GRIK2: variants seen among roughly 807,000 people sequenced by gnomAD.
GRIK2 encodes glutamate ionotropic receptor kainate type subunit 2, also known as glutamate receptor ionotropic, kainate 2.
GRIK2 carries 32 observed loss-of-function variants against 100.3 expected under a neutral mutation model. That is an observed-to-expected ratio of 0.32 (90% CI 0.24 to 0.43). The LOEUF (loss-of-function observed/expected upper bound fraction) is 0.43. Among genes scored for constraint, GRIK2 ranks in the 20% least tolerant of loss-of-function variants. The pLI, the probability that GRIK2 is intolerant of heterozygous loss-of-function variation, is 1.00. For synonymous variants in GRIK2, 417 were observed against 389.4 expected (o/e 1.07, Z -0.83); for missense variants, 843 against 1,114.9 (o/e 0.76, Z 3.47).
At chr6:101,496,489 G>A (rs1773453967) in intron 2 of GRIK2, among the ~76,000 whole-genome samples, 1 of 152,170 alleles carries the variant, frequency 6.6e-6, no homozygotes, top group Non-Finnish European at 1.5e-5. Flanking sequence ...TGAACTGTCA[G>A]TGGGTGTCAG....
chr6:101,798,339 C>G (rs1398986624), intron 7 of GRIK2, among the ~76,000 whole-genome samples: 2 of 151,908 alleles, frequency 1.3e-5, no homozygotes, highest in African/African-American at 4.8e-5. Flanking sequence ...TCAGTCAAAT[C>G]CTCAGGCTCA....
intron 14 of GRIK2, among the ~76,000 whole-genome samples, chr6:101,940,873 T>A (rs1400413480): frequency 6.6e-6 from 1 of 152,184 alleles, no homozygotes; most frequent in African/African-American, 2.4e-5. Context: ...AATTATTTAA[T>A]TTTTATTAAA....
intron 11 of GRIK2, among the ~76,000 whole-genome samples, chr6:101,863,818 A>C (rs1474181414): frequency 1.3e-5 from 2 of 152,184 alleles, no homozygotes; most frequent in African/African-American, 2.4e-5. Context: ...ATACAATGGG[A>C]ATAATGATAC....
intron 2 of GRIK2, among the ~76,000 whole-genome samples, chr6:101,516,732 A>G (rs1358331643): frequency 6.6e-6 from 1 of 152,146 alleles, no homozygotes; most frequent in Admixed American, 6.6e-5. Context: ...ATAATAAAAT[A>G]TAGACTTTCA....
chr6:101,686,667 C>T (rs1185399356), intron 7 of GRIK2, among the ~76,000 whole-genome samples: 1 of 152,086 alleles, frequency 6.6e-6, no homozygotes, highest in Non-Finnish European at 1.5e-5. Flanking sequence ...AGACATACAT[C>T]TGGTAGTTAT....
At chr6:101,912,977 C>T (rs966854644) in intron 12 of GRIK2, among the ~76,000 whole-genome samples, 2 of 151,192 alleles carry the variant, frequency 1.3e-5, no homozygotes, top group African/African-American at 2.4e-5. Flanking sequence ...ATATGTTACT[C>T]GATAAAACAC....
At chr6:101,513,965 T>A (rs1774450837) in intron 2 of GRIK2, among the ~76,000 whole-genome samples, 1 of 151,972 alleles carries the variant, frequency 6.6e-6, no homozygotes, top group Admixed American at 6.6e-5. Flanking sequence ...AATCAAAAAA[T>A]TTGTTCTTTG....
intron 14 of GRIK2, among the ~76,000 whole-genome samples, chr6:102,032,860 A>G (rs979107173): frequency 6.6e-6 from 1 of 151,316 alleles, no homozygotes; most frequent in African/African-American, 2.4e-5. Context: ...GGCTCACTGC[A>G]AACTCTAGGT....
chr6:101,480,715 G>C (rs903157810), intron 2 of GRIK2, among the ~76,000 whole-genome samples: 2 of 152,000 alleles, frequency 1.3e-5, no homozygotes, highest in Non-Finnish European at 2.9e-5. Context: ...GATTGTACTA[G>C]ATGCTAAAAA....
chr6:102,060,920 TTCTTC>T (rs1771718887), intron 16 of GRIK2, among the ~76,000 whole-genome samples: 1 of 150,570 alleles, frequency 6.6e-6, no homozygotes, highest in Non-Finnish European at 1.5e-5. Context: ...TTTTAACTTG[TTCTTC>T]ACAAGTTAAA....
rs563621142 is a variant in GRIK2 at position 101,547,118 on chromosome 6, A to G, written c.116-74831A>G. 3.4e-3 allele frequency among the ~76,000 whole-genome samples: 515 copies of G among 151,908 alleles called. 3 individuals are homozygous for G. Among genetic ancestry groups the G allele is most frequent in the Non-Finnish European group, 6.1e-3 (415 of 67,934 alleles). The stretch of plus-strand genomic sequence containing the variant: ...AGTGCTGGGATTACAGGCGTGAGCC[A>G]CCGCGCCCGGCCGTTTTTGTTTCTT... On this transcript the variant is annotated intron_variant, in intron 2 of 16. Transcript: ENST00000369134.
intron 14 of GRIK2, among the ~76,000 whole-genome samples, chr6:101,999,057 G>A (rs980096221): frequency 6.6e-6 from 1 of 151,558 alleles, no homozygotes; most frequent in Non-Finnish European, 1.5e-5. Flanking sequence ...CAGGTGATCC[G>A]CCTGCCTCAG....
At chr6:101,750,434 A>G (rs2128384009) in intron 7 of GRIK2, among the ~76,000 whole-genome samples, 1 of 152,242 alleles carries the variant, frequency 6.6e-6, no homozygotes, top group East Asian at 1.9e-4. Flanking sequence ...TTTGAAAACC[A>G]TTCAATCATA....
chr6:101,711,195 T>C (rs1033596181), intron 7 of GRIK2, among the ~76,000 whole-genome samples: 6 of 151,872 alleles, frequency 4.0e-5, no homozygotes, highest in African/African-American at 1.4e-4. Flanking sequence ...TTTTAGAAGA[T>C]AAACTCTGAA....
At chr6:101,954,507 A>C (rs1791792960) in intron 14 of GRIK2, among the ~76,000 whole-genome samples, 1 of 151,922 alleles carries the variant, frequency 6.6e-6, no homozygotes, top group Non-Finnish European at 1.5e-5. Flanking sequence ...TCATTTTCTG[A>C]TAGTTCAATT....
At chr6:101,640,845 C>T (rs1344804192) in intron 4 of GRIK2, among the ~76,000 whole-genome samples, 1 of 152,050 alleles carries the variant, frequency 6.6e-6, no homozygotes, top group Non-Finnish European at 1.5e-5. Flanking sequence ...TACAAATTTT[C>T]ATATTTTGAA....
At chr6:101,654,467 A>G (rs2786243) in intron 4 of GRIK2, among the ~76,000 whole-genome samples, 1 of 152,130 alleles carries the variant, frequency 6.6e-6, no homozygotes, top group Non-Finnish European at 1.5e-5. Flanking sequence ...GTTGGCCTAC[A>G]TTCTCTAGAG....
intron 12 of GRIK2, among the ~76,000 whole-genome samples, chr6:101,922,448 C>T (rs1472544928): frequency 1.3e-5 from 2 of 151,968 alleles, no homozygotes; most frequent in Non-Finnish European, 2.9e-5. Context: ...TTTTATAGAC[C>T]AGTTTCATGT....
intron 10 of GRIK2, among the ~76,000 whole-genome samples, chr6:101,830,718 C>A (rs1331052727): frequency 6.6e-6 from 1 of 151,232 alleles, no homozygotes; most frequent in Admixed American, 6.6e-5. Context: ...AAAAAACCCA[C>A]AGATGCTGGT....
Sources: allele counts gnomAD v4.1 joint callset (sites outside exome capture counted in the v4.1 genomes callset), GRCh38; gene constraint gnomAD v4.1.1; transcripts MANE v1.5; gene names NCBI Gene and HGNC (gene_info 2026-07-23, HGNC 2026-07-21).